The following KCTD5 variants were observed in gnomAD, a reference collection of about 807,000 sequenced individuals.
KCTD5 encodes potassium channel tetramerization domain containing 5.
KCTD5 carries 12 observed loss-of-function variants against 27.9 expected under a neutral mutation model. The observed-to-expected ratio is 0.43, with a 90% CI of 0.28 to 0.70. The LOEUF is 0.70. Among genes scored for constraint, KCTD5 ranks in the 30% least tolerant of loss-of-function variants. The probability of loss-of-function intolerance (pLI) is 0.19; values close to 1 mark genes in which losing one functional copy is unlikely to be tolerated. For missense variants in KCTD5, 226 were observed against 274.8 expected (o/e 0.82, Z 1.26); for synonymous variants, 147 against 121.4 (o/e 1.21, Z -1.39).
intron 1 of KCTD5, 103 bp downstream of exon 1, chr16:2,682,903 A>G: frequency 1.5e-6 from 2 of 1,367,054 alleles, no homozygotes; most frequent in South Asian, 3.0e-5. Context: ...GGAGCGGGCG[A>G]CTCTCCTCGG....
intron 1 of KCTD5, among the ~76,000 whole-genome samples, chr16:2,687,180 G>C (rs1032513274): frequency 1.3e-5 from 2 of 152,200 alleles, no homozygotes; most frequent in Admixed American, 1.3e-4. Context: ...TTAGACCTTA[G>C]GCCACGAGTC....
chr16:2,698,905 G>A (rs569456646), intron 3 of KCTD5, among the ~76,000 whole-genome samples: 1 of 152,336 alleles, frequency 6.6e-6, no homozygotes, highest in Non-Finnish European at 1.5e-5. Context: ...GGCTGTGTGG[G>A]CACTCCCTGC....
chr16:2,691,169 C>T (rs1387167287), intron 1 of KCTD5, among the ~76,000 whole-genome samples: 2 of 152,206 alleles, frequency 1.3e-5, no homozygotes, highest in Non-Finnish European at 2.9e-5. Context: ...GTTTAAGACC[C>T]TGGCACTTCC....
At chr16:2,696,926 C>T (rs1326503844) in intron 2 of KCTD5, among the ~76,000 whole-genome samples, 1 of 152,244 alleles carries the variant, frequency 6.6e-6, no homozygotes, top group African/African-American at 2.4e-5. Flanking sequence ...TGTCGTGGAG[C>T]CGCTCGAGTC....
chr16:2,691,631 G>A (rs371839085), intron 1 of KCTD5, among the ~76,000 whole-genome samples: 3 of 152,170 alleles, frequency 2.0e-5, no homozygotes, highest in African/African-American at 7.2e-5. Context: ...TGTGGCGGGG[G>A]CCCCATAGGA....
chr16:2,700,766 C>T (rs976334746), intron 4 of KCTD5, among the ~76,000 whole-genome samples: 8 of 151,856 alleles, frequency 5.3e-5, no homozygotes, highest in African/African-American at 1.9e-4. Flanking sequence ...TCCTTGGAGT[C>T]TTTCAAAATA....
chr16:2,700,280 C>A (rs930788024), intron 4 of KCTD5, among the ~76,000 whole-genome samples: 5 of 152,244 alleles, frequency 3.3e-5, no homozygotes, highest in Non-Finnish European at 7.3e-5. Flanking sequence ...CCCCACAGCT[C>A]ACTCCATCGG....
chr16:2,682,619 T>G lies in KCTD5; in HGVS notation c.71T>G (p.Leu24Arg), dbSNP rs200832017. 1.3e-6 allele frequency: 2 copies of G among 1,548,762 alleles called. No homozygotes were observed. Among genetic ancestry groups the G allele is most frequent in the Admixed American group, 4.1e-5 (2 of 49,000 alleles). ...ATCGGGGCGGGGCTGGGGGGCGGCC[T>G]GTGCCGCCGCTGCAGCGCTGGGCTC... ...GGIGAGLGGG[L>R]CRRCSAGLGA... Residue 24 changes from leucine to arginine, a missense_variant, in exon 1 of 6, where the codon CTG (leucine) becomes CGG (arginine). Coordinates refer to ENST00000301738, the MANE Select transcript of KCTD5 (RefSeq NM_018992.4).
intron 1 of KCTD5, among the ~76,000 whole-genome samples, chr16:2,688,088 A>G (rs1202713387): frequency 6.6e-6 from 1 of 151,732 alleles, no homozygotes; most frequent in East Asian, 1.9e-4. Context: ...CTTTACTGTG[A>G]CGTCCTCTCC....
At position 2,687,619 on chromosome 16, in the gene KCTD5, G is replaced by T. The variant is rs575976794; in HGVS notation, c.252+4819G>T. On this transcript the variant is annotated intron_variant, in intron 1 of 5. Coordinates refer to ENST00000301738, the MANE Select transcript of KCTD5 (RefSeq NM_018992.4). ...GTCACGGAGTGAGGTCTAAAGCCTC[G>T]CCAGGGCTGTGGCCGTGATGGGGGC... 1.4e-3 allele frequency among the ~76,000 whole-genome samples: 216 copies of T among 152,350 alleles called. 4 individuals carry two copies. The highest frequency in any genetic ancestry group is 4.8e-3 in the African/African-American group (198 of 41,570).
At chr16:2,706,042 G>C (rs141943108) in intron 5 of KCTD5, among the ~76,000 whole-genome samples, 1 of 152,320 alleles carries the variant, frequency 6.6e-6, no homozygotes, top group East Asian at 1.9e-4. Flanking sequence ...CAGTAAACTT[G>C]GGAATCACCC....
At chr16:2,689,980 A>G (rs955110326) in intron 1 of KCTD5, among the ~76,000 whole-genome samples, 6 of 152,186 alleles carry the variant, frequency 3.9e-5, no homozygotes, top group Admixed American at 1.3e-4. Flanking sequence ...CCAGCCCTTC[A>G]CTGCCATTTT....
rs554094251 is a variant in KCTD5, at chr16:2,683,044, G to C, written c.252+244G>C. On this transcript the variant is annotated intron_variant, in intron 1 of 5. Transcript: ENST00000301738. Reference sequence around the variant, plus strand: ...GAGGATCCTGAGTCGATTCACCTTGGGGGTGTCTCTTCCTCGCCCTCTTTG... The same window carrying C: ...GAGGATCCTGAGTCGATTCACCTTGCGGGTGTCTCTTCCTCGCCCTCTTTG... 23 of 475,492 alleles carry C rather than the reference G, an allele frequency of 4.8e-5. No individual in the cohort carries two copies. In the South Asian group the frequency reaches 7.0e-4, roughly 14 times the overall value. The allele number at this position is 475,492 out of a possible 1,614,324, so 29.5% of individuals were successfully genotyped here.
chr16:2,690,998 G>C (rs551391279), intron 1 of KCTD5, among the ~76,000 whole-genome samples: 1 of 152,234 alleles, frequency 6.6e-6, no homozygotes, highest in Non-Finnish European at 1.5e-5. Flanking sequence ...GCTGGGCACT[G>C]TCTGGGCCTG....
intron 3 of KCTD5, among the ~76,000 whole-genome samples, chr16:2,698,530 A>G (rs73494249): frequency 0.056 from 8,458 of 152,080 alleles, 813 homozygotes; most frequent in African/African-American, 0.19. Flanking sequence ...TCTGCCCAGT[A>G]CCTCCTGTGG....
chr16:2,688,220 AATAAATAAATAT>A (rs56317084), intron 1 of KCTD5, among the ~76,000 whole-genome samples: 13 of 81,068 alleles, frequency 1.6e-4, no homozygotes, highest in Non-Finnish European at 2.6e-4. Flanking sequence ...TAAATAAATA[AATAAATAAATAT>A]ATATATATAT....
At chr16:2,690,142 T>G (rs1344625749) in intron 1 of KCTD5, among the ~76,000 whole-genome samples, 1 of 152,230 alleles carries the variant, frequency 6.6e-6, no homozygotes. Flanking sequence ...GTTACCACAC[T>G]TCTCTGAGTG....
chr16:2,697,728 C>A (rs997799366), intron 2 of KCTD5, among the ~76,000 whole-genome samples, 178 bp from the exon 3 acceptor site: 2 of 152,228 alleles, frequency 1.3e-5, no homozygotes, highest in Non-Finnish European at 2.9e-5. Context: ...ATCCCAGGAG[C>A]CCTGCTGGGC....
chr16:2,704,936 C>T (rs965630116), intron 5 of KCTD5, among the ~76,000 whole-genome samples: 11 of 152,296 alleles, frequency 7.2e-5, no homozygotes, highest in East Asian at 3.9e-4. Flanking sequence ...GGACCAGCCC[C>T]GGATCGCAAG....
Sources: gnomAD v4.1 joint callset for allele counts (sites outside exome capture counted in the v4.1 genomes callset) on GRCh38, gnomAD v4.1.1 for gene constraint, MANE v1.5 for transcripts, NCBI Gene and HGNC (gene_info 2026-07-23, HGNC 2026-07-21) for gene names.